Variants in FARS2 observed in about 807,000 individuals in gnomAD.
FARS2 encodes phenylalanyl-tRNA synthetase 2, mitochondrial.
Under a neutral mutation model 46.4 loss-of-function variants are expected in FARS2, and 40 were observed. The observed-to-expected ratio is 0.86, with a 90% CI of 0.67 to 1.12. FARS2 has a LOEUF of 1.12. Ranked by LOEUF, FARS2 falls within the 50% of genes most tolerant of loss-of-function variation. The probability of loss-of-function intolerance (pLI) is 0.00; values close to 1 mark genes in which losing one functional copy is unlikely to be tolerated. For missense variants in FARS2, 513 were observed against 567.9 expected (o/e 0.90, Z 0.98); for synonymous variants, 234 against 214.9 (o/e 1.09, Z -0.78).
chr6:5,500,735 AT>A lies in FARS2; in HGVS notation c.905-44433del, dbSNP rs112735671. Among the ~76,000 whole-genome samples the A allele has an allele frequency of 6.6e-3, 964 of 146,662 alleles. 11 individuals carry two copies. The highest frequency in any genetic ancestry group is 0.018 in the African/African-American group (739 of 40,298). ...GTAGCACCAATTTTTGCTACCTTAC[AT>A]TTTTTTTTTTTAAAGGAGAGGATGT... is the stretch of plus-strand genomic sequence containing the variant. On this transcript the variant is annotated intron_variant, in intron 4 of 6. Transcript: ENST00000274680.
chr6:5,689,493 A>G (rs1326587317), intron 6 of FARS2, among the ~76,000 whole-genome samples: 1 of 152,054 alleles, frequency 6.6e-6, no homozygotes, highest in Admixed American at 6.6e-5. Context: ...TTCAGTTTCC[A>G]TGTAGTTGAG....
At chr6:5,379,095 T>C (rs1759583919) in intron 2 of FARS2, among the ~76,000 whole-genome samples, 1 of 152,190 alleles carries the variant, frequency 6.6e-6, no homozygotes, top group Non-Finnish European at 1.5e-5. Flanking sequence ...CTCACTGCCT[T>C]GAAATGTTAG....
At chr6:5,411,146 G>T (rs765775726) in intron 3 of FARS2, among the ~76,000 whole-genome samples, 2 of 152,202 alleles carry the variant, frequency 1.3e-5, no homozygotes, top group Non-Finnish European at 2.9e-5. Context: ...AGGCCCAATG[G>T]CTCACGCCTG....
intron 1 of FARS2, among the ~76,000 whole-genome samples, chr6:5,291,602 C>T (rs530608046): frequency 2.0e-5 from 3 of 151,902 alleles, no homozygotes; most frequent in South Asian, 4.2e-4. Context: ...CCTTTTTACC[C>T]TTAGAATTAA....
At chr6:5,360,347 T>A (rs1053473823) in intron 1 of FARS2, among the ~76,000 whole-genome samples, 12 of 152,268 alleles carry the variant, frequency 7.9e-5, no homozygotes, top group African/African-American at 2.9e-4. Context: ...TTCCTGTGCC[T>A]GACCATCTTA....
intron 1 of FARS2, among the ~76,000 whole-genome samples, chr6:5,329,060 G>C (rs1770601721): frequency 6.6e-6 from 1 of 151,752 alleles, no homozygotes; most frequent in African/African-American, 2.4e-5. Context: ...TGTGGTATTA[G>C]AGTGCTGTGT....
intron 4 of FARS2, among the ~76,000 whole-genome samples, chr6:5,448,716 G>A (rs373272472): frequency 1.3e-5 from 2 of 152,224 alleles, no homozygotes; most frequent in East Asian, 3.8e-4. Context: ...ATTTCTTGAA[G>A]TGGAATTGCT....
intron 4 of FARS2, among the ~76,000 whole-genome samples, chr6:5,468,144 G>GATAA (rs1765614577): frequency 6.6e-6 from 1 of 152,236 alleles, no homozygotes; most frequent in African/African-American, 2.4e-5. Flanking sequence ...TATACATCAA[G>GATAA]ATAAACTCTT....
intron 5 of FARS2, among the ~76,000 whole-genome samples, chr6:5,585,825 G>T (rs1306477400): frequency 6.6e-6 from 1 of 151,706 alleles, no homozygotes; most frequent in East Asian, 1.9e-4. Context: ...TGATACTTAG[G>T]CTGTTTCCAC....
intron 4 of FARS2, among the ~76,000 whole-genome samples, chr6:5,541,569 TA>T (rs755657630): frequency 2.0e-5 from 3 of 152,208 alleles, no homozygotes; most frequent in Non-Finnish European, 4.4e-5. Flanking sequence ...CTCTTTTTGT[TA>T]AACATAATTC....
chr6:5,417,943 G>A (rs948358515), intron 3 of FARS2, among the ~76,000 whole-genome samples: 3 of 151,276 alleles, frequency 2.0e-5, no homozygotes, highest in Admixed American at 6.6e-5. Context: ...ATTGCATTTT[G>A]GATAATTTCT....
At chr6:5,265,954 G>T (rs574994771) in intron 1 of FARS2, among the ~76,000 whole-genome samples, 1 of 152,146 alleles carries the variant, frequency 6.6e-6, no homozygotes, top group Non-Finnish European at 1.5e-5. Context: ...TTCTCTCCAT[G>T]ATTGGGTAGA....
chr6:5,628,257 C>T (rs1776131273), intron 6 of FARS2, among the ~76,000 whole-genome samples: 1 of 152,078 alleles, frequency 6.6e-6, no homozygotes, highest in African/African-American at 2.4e-5. Flanking sequence ...AGATGAGGAA[C>T]AGGGAAAATT....
chr6:5,431,937 T>C (rs1459503581), intron 4 of FARS2: 1 of 179,050 alleles, frequency 5.6e-6, no homozygotes, highest in Non-Finnish European at 1.2e-5. Flanking sequence ...ACTATCTGAA[T>C]TTGATTTTTT....
chr6:5,357,965 T>C (rs1165258134), intron 1 of FARS2, among the ~76,000 whole-genome samples: 1 of 152,242 alleles, frequency 6.6e-6, no homozygotes, highest in Non-Finnish European at 1.5e-5. Flanking sequence ...TACTTACTAA[T>C]TGTGAGTGTA....
rs571954586 is a variant in FARS2 at position 5,439,853 on chromosome 6, C to T, written c.904+8681C>T. ...TCCTGCCCTCCCTTCCTTCTCCGTT[C>T]CTTTCTTTCACCTTCTTAACTTTCC... On this transcript the variant is annotated intron_variant, in intron 4 of 6. Transcript: ENST00000274680. Among the ~76,000 whole-genome samples the T allele has an allele frequency of 3.9e-5, 6 of 152,330 alleles. No individual in the cohort carries two copies. The South Asian group carries it at 1.2e-3, about 32-fold the overall frequency.
intron 5 of FARS2, among the ~76,000 whole-genome samples, chr6:5,597,979 C>T (rs757214126): frequency 7.2e-5 from 11 of 152,192 alleles, no homozygotes; most frequent in East Asian, 3.9e-4. Context: ...AAGCCGCCAC[C>T]GGACCTGTGA....
chr6:5,522,733 AT>A (rs1164976432), intron 4 of FARS2, among the ~76,000 whole-genome samples: 4 of 152,198 alleles, frequency 2.6e-5, no homozygotes, highest in Non-Finnish European at 5.9e-5. Context: ...AACTGGATGA[AT>A]TTTCTGGCAA....
intron 4 of FARS2, chr6:5,452,425 G>A (rs414830): frequency 0.72 from 109,941 of 152,340 alleles, 40,007 homozygotes; most frequent in East Asian, 0.91. Context: ...ACTCTTGCCC[G>A]TGGGTACTCC....
Sources: allele counts gnomAD v4.1 joint callset (sites outside exome capture counted in the v4.1 genomes callset), GRCh38; gene constraint gnomAD v4.1.1; transcripts MANE v1.5; gene names NCBI Gene and HGNC (gene_info 2026-07-23, HGNC 2026-07-21).